Variants in ERBB4 observed in about 807,000 individuals in gnomAD.
ERBB4 encodes the protein erb-b2 receptor tyrosine kinase 4.
In ERBB4, 42 loss-of-function variants were observed where a neutral mutation model predicts 158.0. The ratio of observed to expected loss-of-function variants is 0.27; its 90% CI spans 0.21 to 0.34. The LOEUF (loss-of-function observed/expected upper bound fraction) is 0.34, where lower values mean the gene tolerates loss of function less well. Ranked by LOEUF, ERBB4 falls within the 10% of genes least tolerant of loss-of-function variation. ERBB4 has a pLI of 1.00. For synonymous variants in ERBB4, 583 were observed against 558.7 expected (o/e 1.04, Z -0.61); for missense variants, 1,333 against 1,624.1 (o/e 0.82, Z 3.08).
chr2:212,066,456 C>T (rs550395643), intron 2 of ERBB4, among the ~76,000 whole-genome samples: 3 of 151,910 alleles, frequency 2.0e-5, no homozygotes, highest in East Asian at 1.9e-4. Context: ...TAGGCTTATC[C>T]GATATGATGA....
chr2:211,433,584 AAT>A (rs1240720037), intron 20 of ERBB4, among the ~76,000 whole-genome samples: 9 of 149,180 alleles, frequency 6.0e-5, no homozygotes, highest in African/African-American at 2.1e-4. Context: ...CTCAAAAAAA[AAT>A]AAAATAAAAT....
At chr2:211,970,789 C>G (rs1350440059) in intron 2 of ERBB4, among the ~76,000 whole-genome samples, 1 of 152,058 alleles carries the variant, frequency 6.6e-6, no homozygotes, top group Non-Finnish European at 1.5e-5. Context: ...TGAGATGGGT[C>G]TCTTAGAGGC....
At chr2:211,469,185 C>T (rs2064772075) in intron 20 of ERBB4, among the ~76,000 whole-genome samples, 2 of 152,138 alleles carry the variant, frequency 1.3e-5, no homozygotes, top group Admixed American at 1.3e-4. Context: ...GTCCATGGTC[C>T]TCCTTTTCTG....
At chr2:211,504,734 A>C (rs1279684739) in intron 20 of ERBB4, among the ~76,000 whole-genome samples, 1 of 152,152 alleles carries the variant, frequency 6.6e-6, no homozygotes, top group African/African-American at 2.4e-5. Flanking sequence ...AGAAGATGAA[A>C]GTAGAGATAA....
At chr2:212,270,512 A>C (rs1330736743) in intron 1 of ERBB4, among the ~76,000 whole-genome samples, 1 of 151,642 alleles carries the variant, frequency 6.6e-6, no homozygotes, top group African/African-American at 2.4e-5. Context: ...ATTCTTTGAT[A>C]GTTCTCCCAT....
At chr2:211,495,950 A>T (rs879266144) in intron 20 of ERBB4, among the ~76,000 whole-genome samples, 1 of 152,030 alleles carries the variant, frequency 6.6e-6, no homozygotes, top group Non-Finnish European at 1.5e-5. Flanking sequence ...TATTTCTATG[A>T]TCAAAAATAA....
intron 4 of ERBB4, among the ~76,000 whole-genome samples, chr2:211,753,751 A>T (rs530551176): frequency 2.8e-4 from 42 of 147,816 alleles, no homozygotes; most frequent in African/African-American, 9.6e-4. Flanking sequence ...ATATATATTT[A>T]ATATATATAT....
chr2:212,469,664 T>C (rs969447338), intron 1 of ERBB4, among the ~76,000 whole-genome samples: 1 of 152,212 alleles, frequency 6.6e-6, no homozygotes, highest in African/African-American at 2.4e-5. Context: ...CTGATATTAC[T>C]GTTTTTTAAT....
chr2:211,573,296 C>T (rs1306808859), intron 19 of ERBB4, among the ~76,000 whole-genome samples: 1 of 152,134 alleles, frequency 6.6e-6, no homozygotes, highest in East Asian at 1.9e-4. Context: ...GCCCTACCAA[C>T]ATCTTGATTT....
chr2:211,665,438 C>G lies in ERBB4; in HGVS notation c.1756G>C (p.Gly586Arg), dbSNP rs2105919599. ...GGACATTTTTCCACACAGTTTGGGC[C>G]ATCTTTAAAATGAGAGCACTTTGTA... ...NCTKCSHFKD[G>R]PNCVEKCPDG... Residue 586 changes from glycine (G) to arginine (R), a missense_variant, in exon 15 of 28, where the codon GGC becomes CGC. Transcript: ENST00000342788. The G allele has an allele frequency of 6.2e-7, 1 of 1,613,646 alleles. No individual in the cohort carries two copies. The highest frequency in any genetic ancestry group is 8.5e-7 in the Non-Finnish European group (1 of 1,179,872).
intron 16 of ERBB4, among the ~76,000 whole-genome samples, chr2:211,643,408 C>T (rs956951551): frequency 2.6e-5 from 4 of 152,096 alleles, no homozygotes; most frequent in South Asian, 2.1e-4. Context: ...ACAGCTATGC[C>T]ATTTCTAGAC....
chr2:211,681,973 G>C (rs2072354149), intron 12 of ERBB4, among the ~76,000 whole-genome samples: 1 of 151,186 alleles, frequency 6.6e-6, no homozygotes, highest in African/African-American at 2.4e-5. Flanking sequence ...GATTCATTTA[G>C]AGTTAATTTG....
chr2:212,252,229 G>A (rs567949290), intron 1 of ERBB4, among the ~76,000 whole-genome samples: 29 of 152,002 alleles, frequency 1.9e-4, no homozygotes, highest in Non-Finnish European at 3.7e-4. Context: ...GGATATGACT[G>A]TAGATAGAAA....
At position 212,257,854 on chromosome 2, in the gene ERBB4, T is replaced by TA. The variant is rs760211871; in HGVS notation, c.83-132952dup. 5.0e-4 allele frequency among the ~76,000 whole-genome samples: 76 copies of TA among 150,660 alleles called. 1 individual carries two copies. The highest frequency in any genetic ancestry group is 4.7e-3 in the East Asian group (24 of 5,140). On this transcript the variant is annotated intron_variant, in intron 1 of 27. Coordinates refer to ENST00000342788, the MANE Select transcript of ERBB4 (RefSeq NM_005235.3). Reference sequence around the variant, plus strand: ...AATGCATGAATATGTGGAAGAAATGTAAAAAAAAAGCATGGTCTAATGGTT... The same window carrying TA: ...AATGCATGAATATGTGGAAGAAATGTAAAAAAAAAAGCATGGTCTAATGGTT...
At chr2:211,580,599 T>C (rs2068038330) in intron 19 of ERBB4, among the ~76,000 whole-genome samples, 1 of 151,098 alleles carries the variant, frequency 6.6e-6, no homozygotes, top group South Asian at 2.1e-4. Context: ...GGAGATTCCT[T>C]AAAGAACTAA....
chr2:211,657,990 T>C, intron 15 of ERBB4, 162 bp from the exon 16 acceptor site: 1 of 1,599,408 alleles, frequency 6.3e-7, no homozygotes, highest in Non-Finnish European at 8.5e-7. Context: ...CTTGAGCCTA[T>C]GCACCTGCAG....
intron 1 of ERBB4, among the ~76,000 whole-genome samples, chr2:212,204,413 G>C (rs912474330): frequency 6.6e-6 from 1 of 151,988 alleles, no homozygotes; most frequent in African/African-American, 2.4e-5. Flanking sequence ...ATCAGTATTT[G>C]TGGGCCAGGC....
intron 3 of ERBB4, among the ~76,000 whole-genome samples, chr2:211,854,412 C>T (rs192098107): frequency 1.3e-5 from 2 of 152,166 alleles, no homozygotes; most frequent in Admixed American, 1.3e-4. Context: ...GCAAAACACT[C>T]GTGTAGTCAC....
chr2:212,083,099 A>C (rs2078494650), intron 2 of ERBB4, among the ~76,000 whole-genome samples: 1 of 152,060 alleles, frequency 6.6e-6, no homozygotes, highest in South Asian at 2.1e-4. Context: ...AAAGATAAGA[A>C]AAGGCCCATG....
Sources: gnomAD v4.1 joint callset for allele counts (sites outside exome capture counted in the v4.1 genomes callset) on GRCh38, gnomAD v4.1.1 for gene constraint, MANE v1.5 for transcripts, NCBI Gene and HGNC (gene_info 2026-07-23, HGNC 2026-07-21) for gene names.